WNT7B: variants seen among roughly 807,000 people sequenced by gnomAD.
WNT7B encodes the protein protein Wnt-7b.
Under a neutral mutation model 38.2 loss-of-function variants are expected in WNT7B, and 19 were observed. That is an observed-to-expected ratio of 0.50 (90% CI 0.35 to 0.73). The LOEUF is 0.73. WNT7B is among the 30% of genes least tolerant of loss of function. The pLI, the probability that WNT7B is intolerant of heterozygous loss-of-function variation, is 0.01. For synonymous variants in WNT7B, 243 were observed against 209.3 expected (o/e 1.16, Z -1.39); for missense variants, 423 against 507.9 (o/e 0.83, Z 1.61).
intron 1 of WNT7B, among the ~76,000 whole-genome samples, chr22:45,971,725 GGTGT>G (rs1166286946): frequency 1.3e-5 from 2 of 152,186 alleles, no homozygotes; most frequent in African/African-American, 2.4e-5. Flanking sequence ...CGAGGGAGCG[GGTGT>G]GTGAGTGCGG....
chr22:45,931,302 G>A lies in WNT7B; in HGVS notation c.366C>T (p.Ala122=). Residue 122 remains alanine, a synonymous_variant, in exon 3 of 4, where the codon GCC becomes GCT. Coordinates refer to ENST00000339464, the MANE Select transcript of WNT7B (RefSeq NM_058238.3). ...AAGVAHAVTA[A]CSQGNLSNCG... ...AGTTGCTCAGGTTCCCTTGGCTGCA[G>A]GCAGCGGTGACGGCGTGCGCCACGC... The A allele has an allele frequency of 6.3e-7, 1 of 1,597,914 alleles. No individual in the cohort carries two copies. Among genetic ancestry groups the A allele is most frequent in the Non-Finnish European group, 8.5e-7 (1 of 1,179,344 alleles).
chr22:45,926,931 A>G (rs1174742879), intron 3 of WNT7B: 39 of 985,330 alleles, frequency 4.0e-5, no homozygotes, highest in Non-Finnish European at 4.6e-5. Context: ...ACCCTCAGTC[A>G]GGGAAGGGCT....
chr22:45,952,870 C>A lies in WNT7B; in HGVS notation c.72-2724G>T, dbSNP rs148498795. On this transcript the variant is annotated intron_variant, in intron 1 of 3. Coordinates refer to ENST00000339464, the MANE Select transcript of WNT7B (RefSeq NM_058238.3). ...GCTCTCCATTGCCCAGGGGACCGTC[C>A]CAGCCCCTGTGCCTGGAACTAGAGG... is the stretch of plus-strand genomic sequence containing the variant. 1.2e-4 allele frequency among the ~76,000 whole-genome samples: 19 copies of A among 152,354 alleles called. No individual in the cohort carries two copies. In the East Asian group the frequency reaches 3.7e-3, roughly 29 times the overall value.
intron 2 of WNT7B, among the ~76,000 whole-genome samples, chr22:45,938,091 G>A (rs1021819169): frequency 6.6e-6 from 1 of 152,130 alleles, no homozygotes; most frequent in African/African-American, 2.4e-5. Flanking sequence ...ACGGGTGAAG[G>A]GATAAAGAAA....
chr22:45,931,267 T>G lies in WNT7B; in HGVS notation c.401A>C (p.Asp134Ala), dbSNP rs1291724568. 1.9e-6 allele frequency: 3 copies of G among 1,598,650 alleles called. No individual in the cohort carries two copies. Among genetic ancestry groups the G allele is most frequent in the Non-Finnish European group, 2.5e-6 (3 of 1,179,752 alleles). Residue 134 changes from aspartate (D) to alanine (A), a missense_variant, in exon 3 of 4, where the codon GAC becomes GCC. This residue lies in a region of WNT7B where 132 missense variants were observed against 113.4 expected (regional missense o/e 1.16). Transcript: ENST00000339464. ...GTTGTAGTAGCCCTGCTTCTCGCGGTCGCAGCCGCAGTTGCTCAGGTTCCC... is the reference window on the plus strand; with the variant it reads ...GTTGTAGTAGCCCTGCTTCTCGCGGGCGCAGCCGCAGTTGCTCAGGTTCCC... ...SQGNLSNCGC[D>A]REKQGYYNQA...
intron 3 of WNT7B, chr22:45,925,404 C>A: frequency 1.0e-6 from 1 of 985,328 alleles, no homozygotes; most frequent in Non-Finnish European, 1.2e-6. Flanking sequence ...GGCTGATGTC[C>A]CTCCCAGGAT....
In WNT7B at chr22:45,976,415, C is replaced by T. The variant is rs1932552544; in HGVS notation, c.71+269G>A. 6.6e-6 allele frequency among the ~76,000 whole-genome samples: 1 copy of T among 151,818 alleles called. No homozygotes were observed. Among genetic ancestry groups the T allele is most frequent in the African/African-American group, 2.4e-5 (1 of 41,396 alleles). ...AACAGGTGAAAGTACGCGCCGGGCA[C>T]GCTCGCCGCTACCCGCGAGCCCGGC... On this transcript the variant is annotated intron_variant, in intron 1 of 3. Coordinates refer to ENST00000339464, the MANE Select transcript of WNT7B (RefSeq NM_058238.3). This position sits in a 1 kb window ranked among gnomAD's most constrained non-coding sequence, Gnocchi z 8.5.
intron 1 of WNT7B, among the ~76,000 whole-genome samples, chr22:45,950,520 G>A (rs1931907036): frequency 6.6e-6 from 1 of 152,242 alleles, no homozygotes; most frequent in Non-Finnish European, 1.5e-5. Flanking sequence ...GGGACTGTCT[G>A]CGCTGTCTCT....
intron 3 of WNT7B, among the ~76,000 whole-genome samples, chr22:45,929,447 T>G (rs1230977788): frequency 6.8e-6 from 1 of 147,736 alleles, no homozygotes; most frequent in Non-Finnish European, 1.5e-5. Flanking sequence ...CACTGATCCA[T>G]CCTTTGATTC....
At chr22:45,950,365 C>A (rs1931903613) in intron 1 of WNT7B, among the ~76,000 whole-genome samples, 2 of 152,258 alleles carry the variant, frequency 1.3e-5, no homozygotes, top group African/African-American at 4.8e-5. Flanking sequence ...ACACGCGTGA[C>A]CCCAGCCACA....
chr22:45,964,163 C>T (rs1601739918), intron 1 of WNT7B, among the ~76,000 whole-genome samples: 1 of 152,092 alleles, frequency 6.6e-6, no homozygotes, highest in South Asian at 2.1e-4. Context: ...CTACTGCAGA[C>T]ATGGAGTGAC....
intron 1 of WNT7B, among the ~76,000 whole-genome samples, chr22:45,967,266 G>A (rs1932332734): frequency 6.6e-6 from 1 of 152,050 alleles, no homozygotes; most frequent in African/African-American, 2.4e-5. Context: ...GGTTTCATCT[G>A]ACAAGGGAGG....
chr22:45,929,773 C>T (rs1207608000), intron 3 of WNT7B, among the ~76,000 whole-genome samples: 1 of 147,308 alleles, frequency 6.8e-6, no homozygotes, highest in Non-Finnish European at 1.5e-5. Context: ...TCTACTTATC[C>T]TTCCATCCAC....
At chr22:45,940,822 A>G (rs1259484645) in intron 2 of WNT7B, among the ~76,000 whole-genome samples, 1 of 152,086 alleles carries the variant, frequency 6.6e-6, no homozygotes, top group African/African-American at 2.4e-5. Flanking sequence ...AGGATGGGAG[A>G]GGTGAGGAAC....
chr22:45,959,043 C>T (rs767446013), intron 1 of WNT7B, among the ~76,000 whole-genome samples: 4 of 152,226 alleles, frequency 2.6e-5, no homozygotes, highest in Non-Finnish European at 2.9e-5. Flanking sequence ...TTACTCCCCA[C>T]GATATGCTGG....
intron 3 of WNT7B, chr22:45,926,420 C>A (rs1205137968): frequency 1.0e-6 from 1 of 985,270 alleles, no homozygotes; most frequent in Non-Finnish European, 1.2e-6. Context: ...GAGGGGGCTC[C>A]AGGAAAGGGC....
intron 2 of WNT7B, among the ~76,000 whole-genome samples, chr22:45,938,394 C>T (rs140541437): frequency 0.037 from 5,543 of 151,844 alleles, 172 homozygotes; most frequent in African/African-American, 0.091. Context: ...CTCAGCACTT[C>T]GGGAGGTCGA....
chr22:45,976,784 A>T lies in WNT7B; in HGVS notation c.-30T>A, dbSNP rs1932560901. On this transcript the variant is annotated 5_prime_UTR_variant, in exon 1 of 4. Transcript: ENST00000339464. This position sits in a 1 kb window ranked among gnomAD's most constrained non-coding sequence, Gnocchi z 8.5. The stretch of plus-strand genomic sequence containing the variant: ...CAGGGAGGGGGGCTGCGCCATAGAC[A>T]GCGGCGGCCGGAGGGGACGCGCGGG... The T allele has an allele frequency of 6.3e-7, 1 of 1,585,620 alleles. No homozygotes were observed. Among genetic ancestry groups the T allele is most frequent in the East Asian group, 2.3e-5 (1 of 43,154 alleles).
At chr22:45,954,876 C>T in intron 1 of WNT7B, 1 of 547,180 alleles carries the variant, frequency 1.8e-6, no homozygotes, top group Non-Finnish European at 2.3e-6. Context: ...GTGAGTGGTG[C>T]CATCCTCATT....
Sources: gnomAD v4.1 joint callset for allele counts (sites outside exome capture counted in the v4.1 genomes callset) on GRCh38, gnomAD v4.1.1 for gene constraint, gnomAD v4.1.1 regional missense constraint, Gnocchi (gnomAD v3.1) non-coding constraint, MANE v1.5 for transcripts, NCBI Gene and HGNC (gene_info 2026-07-23, HGNC 2026-07-21) for gene names.